The following ARMCX4 variants were observed in gnomAD, a reference collection of about 807,000 sequenced individuals.
ARMCX4 encodes the protein armadillo repeat containing X-linked 4.
ARMCX4 carries 3 observed loss-of-function variants against 34.7 expected under a neutral mutation model. That is an observed-to-expected ratio of 0.09 (90% CI 0.04 to 0.22). The LOEUF (loss-of-function observed/expected upper bound fraction) is 0.22, where lower values mean the gene tolerates loss of function less well. ARMCX4 is among the 10% of genes least tolerant of loss of function. ARMCX4 has a pLI of 1.00. For missense variants in ARMCX4, 1,448 were observed against 1,720.8 expected (o/e 0.84, Z 2.81); for synonymous variants, 513 against 632.8 (o/e 0.81, Z 2.84).
intron 7 of ARMCX4, among the ~76,000 whole-genome samples, chrX:101,502,723 T>A (rs1934329279): frequency 9.0e-6 from 1 of 111,437 alleles, no homozygotes; most frequent in African/African-American, 3.3e-5. Context: ...TTCTTTATTT[T>A]TTTTTTATTT....
intron 11 of ARMCX4, among the ~76,000 whole-genome samples, chrX:101,530,698 T>C (rs1201280534): frequency 9.0e-6 from 1 of 110,934 alleles, no homozygotes; most frequent in Non-Finnish European, 1.9e-5. Context: ...AGCAAAAATA[T>C]CCTTCAAAAA....
upstream of ARMCX4, among the ~76,000 whole-genome samples, chrX:101,484,652 C>T (rs1440722551): frequency 2.7e-5 from 3 of 112,190 alleles, no homozygotes; most frequent in Non-Finnish European, 5.6e-5. Flanking sequence ...AAATGTCTTT[C>T]CAAAGATTAA....
chrX:101,483,433 C>G (rs1933554800), upstream of ARMCX4, among the ~76,000 whole-genome samples: 1 of 111,623 alleles, frequency 9.0e-6, no homozygotes, highest in South Asian at 3.7e-4. Flanking sequence ...TCTTGACAAA[C>G]CAGTCAACAA....
chrX:101,458,974 C>T (rs989804467), intron 4 of ARMCX4, among the ~76,000 whole-genome samples: 2 of 112,041 alleles, frequency 1.8e-5, no homozygotes, highest in Non-Finnish European at 3.8e-5. Flanking sequence ...TTTTCAAAGT[C>T]CTTGATAAAA....
downstream of ARMCX4, among the ~76,000 whole-genome samples, chrX:101,451,546 T>G (rs1409949980): frequency 1.0e-5 from 1 of 100,285 alleles, no homozygotes; most frequent in Non-Finnish European, 2.0e-5. Flanking sequence ...AGTACTCACC[T>G]GATTTTTAGT....
chrX:101,488,928 T>C lies in ARMCX4; in HGVS notation c.339T>C (p.Thr113=), dbSNP rs1556007693. Residue 113 remains threonine (T), a synonymous_variant, in exon 6 of 6, where the codon ACT becomes ACC. Transcript: ENST00000423738. ...AKAMVGAEPE[T]QSESKVVAGT... ...CAATGGTTGGGGCAGAGCCAGAGACTCAATCTGAGTCCAAAGTGGTGGCTG... is the reference window on the plus strand; with the variant it reads ...CAATGGTTGGGGCAGAGCCAGAGACCCAATCTGAGTCCAAAGTGGTGGCTG... 1 of 1,155,849 alleles carries C rather than the reference T, an allele frequency of 8.7e-7. No homozygotes were observed. The highest frequency in any genetic ancestry group is 2.6e-5 in the Admixed American group (1 of 38,715).
At chrX:101,528,471 A>T (rs1935037311) in intron 11 of ARMCX4, among the ~76,000 whole-genome samples, 1 of 111,617 alleles carries the variant, frequency 9.0e-6, no homozygotes, top group Non-Finnish European at 1.9e-5. Flanking sequence ...TAGTGTTGGA[A>T]ATTAAGGCCA....
At chrX:101,423,611 C>T (rs1049697525) in intron 2 of ARMCX4, among the ~76,000 whole-genome samples, 1 of 109,000 alleles carries the variant, frequency 9.2e-6, no homozygotes, top group Admixed American at 9.9e-5. Context: ...GAGTGAAACT[C>T]CGTCTCAAAA....
chrX:101,513,898 A>G (rs146193835), intron 11 of ARMCX4, among the ~76,000 whole-genome samples: 2 of 108,858 alleles, frequency 1.8e-5, no homozygotes, highest in East Asian at 2.8e-4. Context: ...ATACTAGTGG[A>G]TATTAGTACT....
At chrX:101,450,461 G>A (rs1931917683), downstream of ARMCX4, among the ~76,000 whole-genome samples, 1 of 111,686 alleles carries the variant, frequency 9.0e-6, no homozygotes, top group African/African-American at 3.3e-5. Flanking sequence ...TCGTCCTTCA[G>A]GGCAGTGAAC....
At chrX:101,470,241 G>A (rs1211369368) in intron 4 of ARMCX4, among the ~76,000 whole-genome samples, 4 of 111,508 alleles carry the variant, frequency 3.6e-5, no homozygotes, top group Non-Finnish European at 5.6e-5. Flanking sequence ...TTGTTTTTAC[G>A]TTTCACGTAA....
At chrX:101,421,942 A>G (rs1212040426) in intron 2 of ARMCX4, among the ~76,000 whole-genome samples, 2 of 109,270 alleles carry the variant, frequency 1.8e-5, no homozygotes, top group Non-Finnish European at 3.8e-5. Context: ...GCAGGAGACC[A>G]GAGTTTTGTT....
Position 101,489,491 on chromosome X carries a change from T to A in ARMCX4, c.902T>A (p.Met301Lys). 5.2e-6 allele frequency: 6 copies of A among 1,155,083 alleles called. No individual in the cohort carries two copies. Among genetic ancestry groups the A allele is most frequent in the African/African-American group, 1.8e-5 (1 of 56,111 alleles). Reference protein sequence around the residue: ...DDMPGTGVEDMGNCKTMSRAE... With the variant: ...DDMPGTGVEDKGNCKTMSRAE... The stretch of plus-strand genomic sequence containing the variant: ...ATGCCTGGTACTGGGGTTGAGGACA[T>A]GGGGAATTGTAAAACCATGTCTAGG... Residue 301 changes from methionine to lysine, a missense_variant, in exon 6 of 6, where the codon ATG becomes AAG. Met to Lys is a moderately conservative substitution (Grantham distance 95). This residue lies in a region of ARMCX4 where 1,343 missense variants were observed against 1,540.7 expected (regional missense o/e 0.87). Transcript: ENST00000423738.
intron 7 of ARMCX4, among the ~76,000 whole-genome samples, chrX:101,504,385 C>G (rs782395444): frequency 2.5e-3 from 277 of 110,649 alleles, no homozygotes; most frequent in Non-Finnish European, 4.3e-3. Flanking sequence ...GGCAGTATGG[C>G]CATTTTCACG....
At position 101,493,177 on chromosome X, in the gene ARMCX4, G is replaced by A. The variant is rs782318234; in HGVS notation, c.4588G>A (p.Asp1530Asn). The change falls in exon 6 of 6, where the codon GAT becomes AAT. Residue 1530 changes from aspartate (D) to asparagine (N), a missense_variant. Physicochemically the swap from Asp to Asn is conservative, Grantham distance 23. This residue lies in a region of ARMCX4 where 1,343 missense variants were observed against 1,540.7 expected (regional missense o/e 0.87). Transcript: ENST00000423738. ...GTCTTGGGGTGGGGCTAGTGGCCAGGATGTTGGAGGGTCTAGGCCAGGGCC... is the reference window on the plus strand; with the variant it reads ...GTCTTGGGGTGGGGCTAGTGGCCAGAATGTTGGAGGGTCTAGGCCAGGGCC... ...GGSWGGASGQ[D>N]VGGSRPGPTN... 1.7e-6 allele frequency: 2 copies of A among 1,155,411 alleles called. No individual in the cohort carries two copies. The highest frequency in any genetic ancestry group is 3.8e-5 in the South Asian group (2 of 52,716).
Position 101,490,151 on chromosome X carries a change from T to C in ARMCX4, c.1562T>C (p.Leu521Ser). The C allele has an allele frequency of 8.7e-7, 1 of 1,155,712 alleles. No homozygotes were observed. The highest frequency in any genetic ancestry group is 1.1e-6 in the Non-Finnish European group (1 of 872,851). The change falls in exon 6 of 6, where the codon TTA becomes TCA. Residue 521 changes from leucine to serine, a missense_variant. Physicochemically the swap from Leu to Ser is moderately radical, Grantham distance 145. Around this residue, in one of 2 missense-constraint regions of ARMCX4, gnomAD observed 1,343 missense variants for 1,540.7 expected, o/e 0.87. Transcript: ENST00000423738. ...QGMAQSQGEA[L>S]PNTRGKARGK... ...ATGGCCCAGAGCCAGGGTGAAGCCTTACCTAATACTAGAGGTAAGGCTAGG... is the reference window on the plus strand; with the variant it reads ...ATGGCCCAGAGCCAGGGTGAAGCCTCACCTAATACTAGAGGTAAGGCTAGG...
At chrX:101,421,638 C>G (rs1929260852) in intron 2 of ARMCX4, among the ~76,000 whole-genome samples, 1 of 110,795 alleles carries the variant, frequency 9.0e-6, no homozygotes, top group Admixed American at 9.7e-5. Context: ...CAAGATGGTC[C>G]CTGCACACAC....
chrX:101,451,404 A>G (rs782098356), downstream of ARMCX4, among the ~76,000 whole-genome samples: 8 of 111,827 alleles, frequency 7.2e-5, no homozygotes, highest in Admixed American at 2.8e-4. Context: ...TCCCAAGCAC[A>G]TGAATTTTTT....
chrX:101,479,282 T>C (rs1416473416), intron 4 of ARMCX4, among the ~76,000 whole-genome samples: 3 of 99,155 alleles, frequency 3.0e-5, no homozygotes, highest in African/African-American at 1.1e-4. Flanking sequence ...TAATAAGAAA[T>C]GTATAAAATC....
Sources: gnomAD v4.1 joint callset for allele counts (sites outside exome capture counted in the v4.1 genomes callset) on GRCh38, gnomAD v4.1.1 for gene constraint, gnomAD v4.1.1 regional missense constraint, MANE v1.5 for transcripts, NCBI Gene and HGNC (gene_info 2026-07-23, HGNC 2026-07-21) for gene names.